ARHGAP24: variants seen among roughly 807,000 people sequenced by gnomAD.
ARHGAP24 encodes Rho GTPase activating protein 24.
ARHGAP24 carries 50 observed loss-of-function variants against 76.4 expected under a neutral mutation model. The ratio of observed to expected loss-of-function variants is 0.65; its 90% CI spans 0.52 to 0.83. The LOEUF is 0.83. Among genes scored for constraint, ARHGAP24 ranks in the 40% least tolerant of loss-of-function variants. ARHGAP24 has a pLI of 0.00. For synonymous variants in ARHGAP24, 345 were observed against 323.3 expected, an observed-to-expected ratio of 1.07 and a Z score of -0.72; for missense variants, 930 against 914.2, an observed-to-expected ratio of 1.02 and a Z score of -0.22.
chr4:86,000,232 G>C (rs1218895101), intron 9 of ARHGAP24: 5 of 394,068 alleles, frequency 1.3e-5, no homozygotes, highest in Non-Finnish European at 2.4e-5. Flanking sequence ...ACTATTAAAT[G>C]ACAGCTGCTT....
intron 3 of ARHGAP24, among the ~76,000 whole-genome samples, chr4:85,909,297 G>GT (rs373250035): frequency 0.011 from 1,654 of 151,172 alleles, 22 homozygotes; most frequent in African/African-American, 0.03. Flanking sequence ...GTTTTCTTTT[G>GT]TTTTGTTTTT....
intron 3 of ARHGAP24, among the ~76,000 whole-genome samples, chr4:85,901,849 G>A (rs986788046): frequency 6.6e-6 from 1 of 151,540 alleles, no homozygotes; most frequent in Non-Finnish European, 1.5e-5. Context: ...GGATACATGT[G>A]CTGAACATGC....
chr4:85,659,734 T>C (rs1722309411), intron 2 of ARHGAP24, among the ~76,000 whole-genome samples: 1 of 152,206 alleles, frequency 6.6e-6, no homozygotes, highest in African/African-American at 2.4e-5. Flanking sequence ...AGTCTGCTTT[T>C]TGTGAAGAGG....
intron 8 of ARHGAP24, among the ~76,000 whole-genome samples, chr4:85,979,465 A>G (rs1400726153): frequency 7.2e-5 from 11 of 151,862 alleles, no homozygotes; most frequent in Admixed American, 7.2e-4. Context: ...GAAACTCCCT[A>G]CCCATTAAAC....
At chr4:85,806,292 G>A (rs1299268185) in intron 3 of ARHGAP24, among the ~76,000 whole-genome samples, 1 of 152,108 alleles carries the variant, frequency 6.6e-6, no homozygotes, top group East Asian at 1.9e-4. Context: ...CTAAGGGGAG[G>A]TACATCTAGA....
At chr4:85,806,543 C>T (rs570048789) in intron 3 of ARHGAP24, among the ~76,000 whole-genome samples, 1 of 152,228 alleles carries the variant, frequency 6.6e-6, no homozygotes, top group East Asian at 1.9e-4. Flanking sequence ...GACACCCTCC[C>T]ATGGGTAGCA....
chr4:85,678,132 G>A (rs1723054671), intron 2 of ARHGAP24, among the ~76,000 whole-genome samples: 1 of 152,164 alleles, frequency 6.6e-6, no homozygotes, highest in African/African-American at 2.4e-5. Flanking sequence ...ACTTTGGGAA[G>A]CTAATGCAGG....
chr4:85,625,352 G>A (rs1720904500), intron 2 of ARHGAP24, among the ~76,000 whole-genome samples: 2 of 152,142 alleles, frequency 1.3e-5, no homozygotes, highest in Admixed American at 6.5e-5. Flanking sequence ...TCAGGAGCAG[G>A]TTGTTCAGTT....
chr4:85,626,538 C>G (rs867494093), intron 2 of ARHGAP24, among the ~76,000 whole-genome samples: 28 of 152,308 alleles, frequency 1.8e-4, no homozygotes, highest in Middle Eastern at 3.4e-3. Context: ...TTTGGTGAAT[C>G]TGACAATTAT....
At chr4:85,867,915 A>ATATT (rs1473452477) in intron 3 of ARHGAP24, among the ~76,000 whole-genome samples, 2 of 147,802 alleles carry the variant, frequency 1.4e-5, no homozygotes, top group African/African-American at 4.9e-5. Context: ...ATATACATAT[A>ATATT]TGTACACACA....
At chr4:85,487,799 T>C (rs1437484952) in intron 1 of ARHGAP24, among the ~76,000 whole-genome samples, 2 of 113,230 alleles carry the variant, frequency 1.8e-5, no homozygotes, top group Non-Finnish European at 3.3e-5. Context: ...TATAAATATA[T>C]ATTTATTACA....
At chr4:85,772,614 A>G (rs1727172090) in intron 3 of ARHGAP24, among the ~76,000 whole-genome samples, 2 of 152,178 alleles carry the variant, frequency 1.3e-5, no homozygotes, top group African/African-American at 2.4e-5. Flanking sequence ...CTGTCCTAGT[A>G]TAGTGTGTGA....
At chr4:85,766,799 C>T (rs1726946827) in intron 3 of ARHGAP24, among the ~76,000 whole-genome samples, 1 of 152,136 alleles carries the variant, frequency 6.6e-6, no homozygotes, top group Non-Finnish European at 1.5e-5. Flanking sequence ...ACTGGGTTCA[C>T]CTGCCTTTCA....
chr4:85,664,819 A>G (rs1311810992), intron 2 of ARHGAP24, among the ~76,000 whole-genome samples: 1 of 152,234 alleles, frequency 6.6e-6, no homozygotes, highest in East Asian at 1.9e-4. Context: ...GTAGCTGAGC[A>G]GTTTTGAGTG....
At chr4:85,782,039 A>G (rs1242177186) in intron 3 of ARHGAP24, among the ~76,000 whole-genome samples, 6 of 78,766 alleles carry the variant, frequency 7.6e-5, no homozygotes, top group Non-Finnish European at 1.5e-4. Flanking sequence ...TCTATCTCAA[A>G]AAAAAAAAAA....
At chr4:85,493,284 A>G (rs751701654) in intron 1 of ARHGAP24, among the ~76,000 whole-genome samples, 21 of 152,232 alleles carry the variant, frequency 1.4e-4, no homozygotes, top group Non-Finnish European at 2.9e-4. Flanking sequence ...AGTTTTTTCT[A>G]TCATACTTTC....
intron 4 of ARHGAP24, among the ~76,000 whole-genome samples, chr4:85,941,436 C>T (rs1386090438): frequency 6.6e-6 from 1 of 152,180 alleles, no homozygotes; most frequent in African/African-American, 2.4e-5. Context: ...TGACCCACCT[C>T]TCCACTTCTA....
chr4:85,481,139 T>G (rs1486241475), intron 1 of ARHGAP24, among the ~76,000 whole-genome samples: 1 of 152,208 alleles, frequency 6.6e-6, no homozygotes, highest in African/African-American at 2.4e-5. Flanking sequence ...TTTACATACA[T>G]TACTTCTGAT....
intron 3 of ARHGAP24, among the ~76,000 whole-genome samples, chr4:85,769,752 T>C (rs148641561): frequency 0.017 from 2,576 of 152,034 alleles, 70 homozygotes; most frequent in African/African-American, 0.058. Context: ...TACGCCCAGC[T>C]AATTTTTTGT....
Sources: allele counts gnomAD v4.1 joint callset (sites outside exome capture counted in the v4.1 genomes callset), GRCh38; gene constraint gnomAD v4.1.1; transcripts MANE v1.5; gene names NCBI Gene and HGNC (gene_info 2026-07-23, HGNC 2026-07-21).